Variants in TCF12 observed in about 807,000 individuals in gnomAD.
TCF12 encodes the protein transcription factor 12.
TCF12 carries 45 observed loss-of-function variants against 86.0 expected under a neutral mutation model. That is an observed-to-expected ratio of 0.52 (90% confidence interval 0.41 to 0.67). The LOEUF is 0.67. Ranked by LOEUF, TCF12 falls within the 30% of genes least tolerant of loss-of-function variation. The pLI, the probability that TCF12 is intolerant of heterozygous loss-of-function variation, is 0.00. For missense variants in TCF12, 881 were observed against 859.9 expected, an observed-to-expected ratio of 1.02 and a Z score of -0.31; for synonymous variants, 330 against 299.6, an observed-to-expected ratio of 1.10 and a Z score of -1.05.
chr15:57,265,924 A>G (rs1302850824), intron 18 of TCF12, among the ~76,000 whole-genome samples: 1 of 152,164 alleles, frequency 6.6e-6, no homozygotes, highest in African/African-American at 2.4e-5. Context: ...CCAGTATAAT[A>G]AGACCACTGT....
intron 19 of TCF12, among the ~76,000 whole-genome samples, chr15:57,279,996 T>C (rs1371535578): frequency 4.0e-5 from 6 of 149,058 alleles, no homozygotes; most frequent in African/African-American, 1.5e-4. Flanking sequence ...CCAGTTCAAG[T>C]GATTCTCCTG....
intron 5 of TCF12, among the ~76,000 whole-genome samples, chr15:57,120,137 A>G (rs772698959): frequency 6.6e-6 from 1 of 152,166 alleles, no homozygotes; most frequent in Non-Finnish European, 1.5e-5. Context: ...CATTTCTGCC[A>G]TTTGCTAGAT....
chr15:57,170,737 A>ATATATATTATATATAAT (rs1567559372), intron 6 of TCF12, among the ~76,000 whole-genome samples: 5 of 24,846 alleles, frequency 2.0e-4, no homozygotes, highest in African/African-American at 5.4e-4. Flanking sequence ...TATTATATAT[A>ATATATATTATATATAAT]ATATATATTA....
At chr15:57,012,842 CTGGTT>C (rs2064915013) in intron 3 of TCF12, among the ~76,000 whole-genome samples, 1 of 152,138 alleles carries the variant, frequency 6.6e-6, no homozygotes, top group South Asian at 2.1e-4. Context: ...TCCATTGAAT[CTGGTT>C]TGGTTTCTTT....
chr15:57,106,815 C>G (rs1471937173), intron 5 of TCF12, among the ~76,000 whole-genome samples: 4 of 152,124 alleles, frequency 2.6e-5, no homozygotes, highest in African/African-American at 9.7e-5. Context: ...AAGAAATGCT[C>G]AAAATTGTAT....
intron 5 of TCF12, among the ~76,000 whole-genome samples, chr15:57,122,098 C>CAA (rs1159877371): frequency 0.07 from 6,883 of 98,976 alleles, 345 homozygotes; most frequent in Admixed American, 0.22. Context: ...TTTCCTTGTA[C>CAA]AAAAAAAAAA....
At chr15:57,205,203 C>T (rs538940365) in intron 8 of TCF12, among the ~76,000 whole-genome samples, 1 of 152,088 alleles carries the variant, frequency 6.6e-6, no homozygotes, top group East Asian at 1.9e-4. Context: ...GTCCCAGCTA[C>T]TCTGAGAGAG....
At chr15:57,181,578 C>A (rs567665715) in intron 6 of TCF12, among the ~76,000 whole-genome samples, 1 of 152,180 alleles carries the variant, frequency 6.6e-6, no homozygotes, top group East Asian at 1.9e-4. Flanking sequence ...CCAAGTCTAC[C>A]TACTACTTTA....
At chr15:57,189,862 A>G (rs990108513) in intron 6 of TCF12, among the ~76,000 whole-genome samples, 1 of 152,256 alleles carries the variant, frequency 6.6e-6, no homozygotes, top group Non-Finnish European at 1.5e-5. Flanking sequence ...ATGGATAAAC[A>G]GTTTGTGGTA....
chr15:56,975,152 A>T (rs1371891430), intron 3 of TCF12, among the ~76,000 whole-genome samples: 1 of 152,150 alleles, frequency 6.6e-6, no homozygotes, highest in Non-Finnish European at 1.5e-5. Flanking sequence ...CAACATGTTT[A>T]TAGTATCTTT....
chr15:57,156,788 C>G (rs8034502), intron 5 of TCF12, among the ~76,000 whole-genome samples: 17 of 152,006 alleles, frequency 1.1e-4, no homozygotes, highest in Non-Finnish European at 1.2e-4. Flanking sequence ...CTGGTAAGGT[C>G]ATGGTCTAAA....
At chr15:56,956,885 C>T (rs1436790626) in intron 3 of TCF12, among the ~76,000 whole-genome samples, 3 of 151,894 alleles carry the variant, frequency 2.0e-5, no homozygotes, top group African/African-American at 7.3e-5. Flanking sequence ...GGTATTTGCT[C>T]AACTTTCTGG....
intron 5 of TCF12, among the ~76,000 whole-genome samples, chr15:57,145,140 G>C (rs779938002): frequency 9.9e-5 from 15 of 152,140 alleles, no homozygotes; most frequent in Non-Finnish European, 5.9e-5. Context: ...CATATGCCCA[G>C]GGCTACTGTG....
chr15:57,090,890 C>T (rs1410963370), intron 4 of TCF12, among the ~76,000 whole-genome samples: 2 of 152,120 alleles, frequency 1.3e-5, no homozygotes, highest in Admixed American at 6.5e-5. Context: ...GGAGGTAATG[C>T]TGTACTTAAA....
chr15:57,057,758 T>C (rs1163117243), intron 3 of TCF12, among the ~76,000 whole-genome samples: 1 of 152,180 alleles, frequency 6.6e-6, no homozygotes, highest in Admixed American at 6.5e-5. Flanking sequence ...TTTAAAAGGT[T>C]GCTCTAGTAG....
intron 6 of TCF12, among the ~76,000 whole-genome samples, chr15:57,180,598 A>T (rs2056267337): frequency 6.6e-6 from 1 of 152,184 alleles, no homozygotes; most frequent in African/African-American, 2.4e-5. Flanking sequence ...ATGTATTTAA[A>T]ACTGCATACC....
At chr15:57,088,861 G>A (rs184535929) in intron 4 of TCF12, among the ~76,000 whole-genome samples, 133 of 151,966 alleles carry the variant, frequency 8.8e-4, no homozygotes, top group Non-Finnish European at 1.6e-3. Context: ...ATACATTGAC[G>A]TGCTAATAGT....
At chr15:57,275,282 A>G (rs1303953989) in intron 19 of TCF12, among the ~76,000 whole-genome samples, 1 of 82,812 alleles carries the variant, frequency 1.2e-5, no homozygotes, top group Non-Finnish European at 2.3e-5. Flanking sequence ...TTGAAGCCTT[A>G]TCTTAGGACT....
chr15:57,223,850 A>G (rs573240207), intron 8 of TCF12, among the ~76,000 whole-genome samples: 1 of 151,890 alleles, frequency 6.6e-6, no homozygotes, highest in Admixed American at 6.6e-5. Flanking sequence ...CAATTAAATT[A>G]ATTCACATTT....
Sources: gnomAD v4.1 joint callset for allele counts (sites outside exome capture counted in the v4.1 genomes callset) on GRCh38, gnomAD v4.1.1 for gene constraint, MANE v1.5 for transcripts, NCBI Gene and HGNC (gene_info 2026-07-23, HGNC 2026-07-21) for gene names.